MIIP: variants seen among roughly 807,000 people sequenced by gnomAD.
The protein encoded by MIIP is migration and invasion-inhibitory protein.
MIIP carries 44 observed loss-of-function variants against 44.8 expected under a neutral mutation model. The ratio of observed to expected loss-of-function variants is 0.98; its 90% confidence interval spans 0.77 to 1.26. The LOEUF (loss-of-function observed/expected upper bound fraction) is 1.26. MIIP is among the 50% of genes most tolerant of loss of function. The probability of loss-of-function intolerance (pLI) is 0.00; values close to 1 mark genes in which losing one functional copy is unlikely to be tolerated. For missense variants in MIIP, 496 were observed against 511.7 expected, an observed-to-expected ratio of 0.97 and a Z score of 0.30; for synonymous variants, 225 against 218.3, an observed-to-expected ratio of 1.03 and a Z score of -0.27.
At chr1:12,024,008 G>A (rs12753910) in intron 4 of MIIP, 32,253 of 151,660 alleles carry the variant, frequency 0.21, 3,527 homozygotes, top group Non-Finnish European at 0.25. Context: ...AAATAAGCAA[G>A]CAAAAAAAAC....
intron 4 of MIIP, among the ~76,000 whole-genome samples, chr1:12,025,437 G>A (rs1190410061): frequency 6.6e-6 from 1 of 152,118 alleles, no homozygotes; most frequent in Non-Finnish European, 1.5e-5. Flanking sequence ...GTTCATTCAG[G>A]GATGGACACT....
intron 1 of MIIP, 87 bp from the exon 2 acceptor site, chr1:12,021,558 G>A: frequency 1.6e-6 from 1 of 615,220 alleles, no homozygotes; most frequent in East Asian, 2.8e-5. Flanking sequence ...ACTTGCCTGA[G>A]GCAGTACAGT....
At chr1:12,019,839 A>G (rs1639931714) in intron 1 of MIIP, among the ~76,000 whole-genome samples, 1 of 152,242 alleles carries the variant, frequency 6.6e-6, no homozygotes, top group South Asian at 2.1e-4. Flanking sequence ...CCCCGTGCGA[A>G]AACGGCGACC....
intron 4 of MIIP, among the ~76,000 whole-genome samples, chr1:12,028,235 C>A (rs761437174): frequency 1.3e-5 from 2 of 152,054 alleles, no homozygotes; most frequent in African/African-American, 4.8e-5. Context: ...CATCCTAAGT[C>A]GAATCATGGT....
chr1:12,024,086 A>C (rs966475538), intron 4 of MIIP: 1 of 152,124 alleles, frequency 6.6e-6, no homozygotes, highest in African/African-American at 2.4e-5. Context: ...ACTGACTGTG[A>C]GTATACAATT....
At position 12,029,767 on chromosome 1, in the gene MIIP, G is replaced by A. The variant is rs41278640; in HGVS notation, c.718G>A (p.Val240Met). 22 of 1,612,192 alleles carry A rather than the reference G, an allele frequency of 1.4e-5. No individual in the cohort carries two copies. The highest frequency in any genetic ancestry group is 8.3e-5 in the Admixed American group (5 of 59,908). Residue 240 changes from valine (V) to methionine (M), a missense_variant and splice_region_variant, in exon 7 of 10, where the codon GTG becomes ATG. Physicochemically the swap from Val to Met is conservative, Grantham distance 21. Transcript: ENST00000235332. ...GSGVEEDHECVYCYRVNRRLF... is the reference protein window; with the variant it reads ...GSGVEEDHECMYCYRVNRRLF... ...GTGGCTTCTCATGGGCCTCGCAGGC[G>A]TGTACTGTTACCGTGTCAACCGGCG...
intron 8 of MIIP, 142 bp from the exon 9 acceptor site, chr1:12,031,124 T>C: frequency 1.0e-6 from 1 of 971,522 alleles, no homozygotes; most frequent in African/African-American, 1.7e-5. Flanking sequence ...AGAGCTGGGG[T>C]AGTCTTGTGG....
At position 12,021,676 on chromosome 1, in the gene MIIP, A is replaced by T. The variant is rs1217010877; in HGVS notation, c.-51A>T. 1 of 1,531,246 alleles carries T rather than the reference A, an allele frequency of 6.5e-7. No individual in the cohort carries two copies. The highest frequency in any genetic ancestry group is 1.4e-5 in the African/African-American group (1 of 73,400). 94.9% of individuals were successfully genotyped at this position (1,531,246 alleles called of 1,614,324 possible). ...GAGCTGGGCCTGGAACCCAGCCCTGAGGACATCCTGCGGCCCAGGGGCAAG... is the reference window on the plus strand; with the variant it reads ...GAGCTGGGCCTGGAACCCAGCCCTGTGGACATCCTGCGGCCCAGGGGCAAG... On this transcript the variant is annotated 5_prime_UTR_variant, in exon 2 of 10. Coordinates refer to ENST00000235332, the MANE Select transcript of MIIP (RefSeq NM_021933.4).
chr1:12,021,994 G>A (rs1639986494), intron 2 of MIIP, 101 bp from the exon 3 acceptor site: 3 of 1,390,056 alleles, frequency 2.2e-6, no homozygotes, highest in Non-Finnish European at 3.0e-6. Flanking sequence ...GGTCACTGCT[G>A]AGGCCGGAGC....
Position 12,029,753 on chromosome 1 carries a change from T to G in MIIP, c.716-12T>G. 1 of 1,604,986 alleles carries G rather than the reference T, an allele frequency of 6.2e-7. No homozygotes were observed. The highest frequency in any genetic ancestry group is 8.5e-7 in the Non-Finnish European group (1 of 1,173,256). ...GCTCAGGGAGAGCTGTGGCTTCTCA[T>G]GGGCCTCGCAGGCGTGTACTGTTAC... On this transcript the variant is annotated splice_polypyrimidine_tract_variant and intron_variant, in intron 6 of 9. Transcript: ENST00000235332.
rs751985537 is a variant in MIIP, at chr1:12,022,811, C to A, written c.463-22C>A. 1.9e-6 allele frequency: 3 copies of A among 1,578,574 alleles called. No individual in the cohort carries two copies. The East Asian group carries it at 6.8e-5, about 36-fold the overall frequency. ...CCAGGCCTCTTGGCTTAGTCCTTGTCCCTCTGTGCTTCCTTCCTCAGCCCA... is the reference window on the plus strand; with the variant it reads ...CCAGGCCTCTTGGCTTAGTCCTTGTACCTCTGTGCTTCCTTCCTCAGCCCA... On this transcript the variant is annotated intron_variant, in intron 3 of 9. Coordinates refer to ENST00000235332, the MANE Select transcript of MIIP (RefSeq NM_021933.4).
intron 8 of MIIP, 80 bp from the exon 9 acceptor site, chr1:12,031,186 G>C: frequency 9.3e-6 from 14 of 1,507,630 alleles, no homozygotes; most frequent in Non-Finnish European, 1.2e-5. Context: ...GGGGGGCACA[G>C]TTCCTCCCTG....
At chr1:12,031,234 G>C (rs1455304999) in intron 8 of MIIP, 32 bp from the exon 9 acceptor site, 2 of 1,602,418 alleles carry the variant, frequency 1.2e-6, no homozygotes, top group Non-Finnish European at 1.7e-6. Flanking sequence ...CTTGTCCCAG[G>C]TCAGGCACTT....
At chr1:12,021,923 C>T in intron 2 of MIIP, 83 bp downstream of exon 2, 1 of 1,289,510 alleles carries the variant, frequency 7.8e-7, no homozygotes, top group Non-Finnish European at 1.1e-6. Flanking sequence ...TCATCTTGTT[C>T]AATACACCCA....
intron 1 of MIIP, among the ~76,000 whole-genome samples, chr1:12,021,183 A>G (rs984897921): frequency 6.6e-6 from 1 of 151,996 alleles, no homozygotes; most frequent in African/African-American, 2.4e-5. Flanking sequence ...TCACAAGGTC[A>G]TGAGATCGAG....
chr1:12,023,032 C>A (rs886268351), intron 4 of MIIP, 115 bp downstream of exon 4: 5 of 730,682 alleles, frequency 6.8e-6, no homozygotes, highest in Non-Finnish European at 1.1e-5. Context: ...TTTCTCTGAC[C>A]GTGCCATCCT....
intron 2 of MIIP, 84 bp downstream of exon 2, chr1:12,021,924 A>G: frequency 7.7e-7 from 1 of 1,293,928 alleles, no homozygotes; most frequent in South Asian, 1.4e-5. Context: ...CATCTTGTTC[A>G]ATACACCCAT....
chr1:12,028,989 C>T, intron 4 of MIIP, 44 bp from the exon 5 acceptor site: 2 of 1,529,490 alleles, frequency 1.3e-6, no homozygotes, highest in Non-Finnish European at 1.8e-6. Flanking sequence ...ACAGCAGCCC[C>T]CAGCCCCTCT....
intron 4 of MIIP, among the ~76,000 whole-genome samples, chr1:12,023,494 C>A (rs1640035418): frequency 6.6e-6 from 1 of 151,460 alleles, no homozygotes; most frequent in South Asian, 2.1e-4. Context: ...AGCCCCGCCT[C>A]CCAGGTTCAT....
Sources: allele counts gnomAD v4.1 joint callset (sites outside exome capture counted in the v4.1 genomes callset), GRCh38; gene constraint gnomAD v4.1.1; transcripts MANE v1.5; gene names NCBI Gene and HGNC (gene_info 2026-07-23, HGNC 2026-07-21).